Variants in DDR2 observed in about 807,000 individuals in gnomAD.
DDR2 encodes the protein discoidin domain receptor tyrosine kinase 2, also known as discoidin domain-containing receptor 2.
In DDR2, 27 loss-of-function variants were observed where a neutral mutation model predicts 94.9. That is an observed-to-expected ratio of 0.28 (90% CI 0.21 to 0.39). DDR2 has a LOEUF of 0.39. Ranked by LOEUF, DDR2 falls within the 10% of genes least tolerant of loss-of-function variation. DDR2 has a pLI of 1.00. For synonymous variants in DDR2, 382 were observed against 377.2 expected (o/e 1.01, Z -0.15); for missense variants, 783 against 1,076.0 (o/e 0.73, Z 3.81).
intron 2 of DDR2, among the ~76,000 whole-genome samples, chr1:162,677,367 G>C (rs1220924051): frequency 6.6e-6 from 1 of 152,186 alleles, no homozygotes. Context: ...TATATCTCCA[G>C]ATTGCTTTGC....
chr1:162,650,054 A>G (rs549833852), intron 1 of DDR2, among the ~76,000 whole-genome samples: 34 of 152,252 alleles, frequency 2.2e-4, no homozygotes, highest in African/African-American at 7.5e-4. Context: ...GATGAGCCCC[A>G]ACATTCTGTC....
At chr1:162,761,817 A>G (rs1663762194) in intron 9 of DDR2, among the ~76,000 whole-genome samples, 1 of 152,228 alleles carries the variant, frequency 6.6e-6, no homozygotes, top group Admixed American at 6.5e-5. Context: ...AAAAGTAAAG[A>G]GAACAATAAA....
At chr1:162,762,890 G>T (rs956615217) in intron 9 of DDR2, among the ~76,000 whole-genome samples, 1 of 152,108 alleles carries the variant, frequency 6.6e-6, no homozygotes, top group Non-Finnish European at 1.5e-5. Context: ...AGGCTGGAAT[G>T]CAGTGGTGTG....
chr1:162,711,381 A>G (rs1660907471), intron 2 of DDR2, among the ~76,000 whole-genome samples: 1 of 152,232 alleles, frequency 6.6e-6, no homozygotes. Context: ...GTTACCCGGC[A>G]TTGAATCCTT....
chr1:162,775,912 G>C (rs191000531), intron 15 of DDR2, 69 bp downstream of exon 15: 1 of 1,588,190 alleles, frequency 6.3e-7, no homozygotes, highest in Non-Finnish European at 8.6e-7. Context: ...AAAATAGGGA[G>C]CAGTGAGCCT....
intron 3 of DDR2, among the ~76,000 whole-genome samples, chr1:162,742,458 A>G (rs932102434): frequency 6.6e-6 from 1 of 152,214 alleles, no homozygotes; most frequent in Admixed American, 6.5e-5. Flanking sequence ...GGAGCCAGAC[A>G]GAGAGAGTGG....
At chr1:162,745,987 C>T (rs1218770115) in intron 3 of DDR2, among the ~76,000 whole-genome samples, 1 of 152,134 alleles carries the variant, frequency 6.6e-6, no homozygotes, top group Non-Finnish European at 1.5e-5. Context: ...ATGGGACACA[C>T]TTACACCTTA....
chr1:162,761,350 G>A lies in DDR2; in HGVS notation c.995G>A (p.Arg332Gln), dbSNP rs752360996. The A allele has an allele frequency of 3.1e-6, 5 of 1,614,142 alleles. No individual in the cohort carries two copies. The highest frequency in any genetic ancestry group is 1.7e-5 in the Admixed American group (1 of 60,022). ...CTGGATGACGTCAACCCCAGTGCTCGGTTTGTCACGGTGCCTCTCCACCAC... is the reference window on the plus strand; with the variant it reads ...CTGGATGACGTCAACCCCAGTGCTCAGTTTGTCACGGTGCCTCTCCACCAC... The part of the protein sequence containing the change: ...LVLDDVNPSA[R>Q]FVTVPLHHRM... Residue 332 changes from arginine to glutamine, a missense_variant, in exon 9 of 18, where the codon CGG becomes CAG. This residue lies in a region of DDR2 where 519 missense variants were observed against 647.9 expected (regional missense o/e 0.80). Coordinates refer to ENST00000367921, the MANE Select transcript of DDR2 (RefSeq NM_006182.4).
chr1:162,743,866 G>T (rs1424208153), intron 3 of DDR2, among the ~76,000 whole-genome samples: 3 of 152,150 alleles, frequency 2.0e-5, no homozygotes, highest in African/African-American at 7.2e-5. Context: ...TGATTCCTCT[G>T]GCCGCTCCTC....
intron 3 of DDR2, among the ~76,000 whole-genome samples, chr1:162,722,491 G>C (rs1169877787): frequency 6.6e-6 from 1 of 152,184 alleles, no homozygotes; most frequent in African/African-American, 2.4e-5. Flanking sequence ...ATTAGAGGCA[G>C]TTTCTTATGT....
intron 2 of DDR2, among the ~76,000 whole-genome samples, chr1:162,683,506 C>T (rs553454819): frequency 5.3e-5 from 8 of 152,116 alleles, no homozygotes; most frequent in East Asian, 1.9e-4. Flanking sequence ...ACAAGCTCAC[C>T]GGATACAAAA....
intron 2 of DDR2, among the ~76,000 whole-genome samples, chr1:162,679,521 A>G (rs1182814971): frequency 6.6e-6 from 1 of 152,130 alleles, no homozygotes; most frequent in East Asian, 1.9e-4. Flanking sequence ...CATGGTGTGT[A>G]TGTACTATGT....
intron 11 of DDR2, among the ~76,000 whole-genome samples, chr1:162,768,491 G>A (rs1045298913): frequency 3.3e-5 from 5 of 152,124 alleles, no homozygotes; most frequent in African/African-American, 1.2e-4. Flanking sequence ...TTGGGGGTGG[G>A]GACTCAGAGG....
At chr1:162,633,711 G>A (rs1298475186) in intron 1 of DDR2, among the ~76,000 whole-genome samples, 7 of 152,222 alleles carry the variant, frequency 4.6e-5, no homozygotes, top group African/African-American at 7.2e-5. Context: ...CCACAAGGAC[G>A]TTAATTATCA....
Position 162,780,474 on chromosome 1 carries a change from C to A in DDR2, c.*228C>A, listed in dbSNP as rs1410098966. The A allele has an allele frequency of 1.8e-6, 1 of 546,442 alleles. No homozygotes were observed. Among genetic ancestry groups the A allele is most frequent in the Non-Finnish European group, 3.1e-6 (1 of 318,798 alleles). The allele number at this position is 546,442 out of a possible 1,614,324, so 33.8% of individuals were successfully genotyped here. A position where few individuals can be genotyped will look rare whatever the true frequency, so the allele number is the denominator to read the frequency against. On this transcript the variant is annotated 3_prime_UTR_variant, in exon 18 of 18. Coordinates refer to ENST00000367921, the MANE Select transcript of DDR2 (RefSeq NM_006182.4). The stretch of plus-strand genomic sequence containing the variant: ...AAAAAGGAAAAAAAAAAGCCTAGGG[C>A]AGATACAATCTAGTAAAAGAAAATC...
Position 162,694,591 on chromosome 1 carries a change from T to C in DDR2, c.-27-24446T>C, listed in dbSNP as rs550098581. Among the ~76,000 whole-genome samples, 12 of 152,286 alleles carry C rather than the reference T, an allele frequency of 7.9e-5. No homozygotes were observed. The East Asian group carries it at 2.1e-3, about 27-fold the overall frequency. On this transcript the variant is annotated intron_variant, in intron 2 of 17. Coordinates refer to ENST00000367921, the MANE Select transcript of DDR2 (RefSeq NM_006182.4). ...CATATCATTTTGTCATTGATTTTTCTTTTTTCCAGCCTCCCATGAAACTCT... is the reference window on the plus strand; with the variant it reads ...CATATCATTTTGTCATTGATTTTTCCTTTTTCCAGCCTCCCATGAAACTCT...
intron 1 of DDR2, among the ~76,000 whole-genome samples, chr1:162,654,589 C>T (rs572660334): frequency 6.6e-6 from 1 of 152,210 alleles, no homozygotes; most frequent in South Asian, 2.1e-4. Flanking sequence ...GGTGATGGTG[C>T]GGTGGAAATG....
chr1:162,705,324 C>T (rs1660613278), intron 2 of DDR2, among the ~76,000 whole-genome samples: 1 of 152,212 alleles, frequency 6.6e-6, no homozygotes, highest in Admixed American at 6.5e-5. Flanking sequence ...GCCAATGGAT[C>T]CCTGAAAGCG....
At chr1:162,667,610 C>T (rs999485246) in intron 2 of DDR2, among the ~76,000 whole-genome samples, 18 of 152,216 alleles carry the variant, frequency 1.2e-4, no homozygotes, top group African/African-American at 4.3e-4. Flanking sequence ...GGAAGAAATG[C>T]ACTGGTGGTG....
Sources: allele counts gnomAD v4.1 joint callset (sites outside exome capture counted in the v4.1 genomes callset), GRCh38; gene constraint gnomAD v4.1.1; regional missense constraint gnomAD v4.1.1; transcripts MANE v1.5; gene names NCBI Gene and HGNC (gene_info 2026-07-23, HGNC 2026-07-21).